DOCK10: variants seen among roughly 807,000 people sequenced by gnomAD.
DOCK10 encodes the protein dedicator of cytokinesis 10, also known as dedicator of cytokinesis protein 10.
Under a neutral mutation model 280.1 loss-of-function variants are expected in DOCK10, and 145 were observed. The ratio of observed to expected loss-of-function variants is 0.52; its 90% CI spans 0.45 to 0.59. The LOEUF is 0.59. DOCK10 is among the 20% of genes least tolerant of loss of function. DOCK10 has a pLI of 0.00. For synonymous variants in DOCK10, 915 were observed against 942.2 expected (o/e 0.97, Z 0.53); for missense variants, 2,368 against 2,651.7 (o/e 0.89, Z 2.35).
rs1696868735 is a variant in DOCK10, at chr2:224,853,129, A to G, written c.1889-7T>C. The G allele has an allele frequency of 3.9e-6, 6 of 1,553,152 alleles. No homozygotes were observed. Among genetic ancestry groups the G allele is most frequent in the Non-Finnish European group, 5.2e-6 (6 of 1,147,442 alleles). On this transcript the variant is annotated splice_polypyrimidine_tract_variant and splice_region_variant and intron_variant, in intron 16 of 55. Transcript: ENST00000258390. ...AAGGACGATGTTACACAATCTTAAA[A>G]AATCAGAAAATAAGAGTTTGTCATT...
intron 1 of DOCK10, among the ~76,000 whole-genome samples, chr2:224,953,145 G>A (rs1193295003): frequency 6.6e-6 from 1 of 152,192 alleles, no homozygotes; most frequent in East Asian, 1.9e-4. Flanking sequence ...TTGAGCAATT[G>A]GTAAGGCACC....
intron 31 of DOCK10, among the ~76,000 whole-genome samples, chr2:224,808,950 A>G (rs1453089431): frequency 6.6e-6 from 1 of 152,122 alleles, no homozygotes; most frequent in East Asian, 1.9e-4. Context: ...GAGTGACAAG[A>G]GTAACTCACT....
intron 27 of DOCK10, among the ~76,000 whole-genome samples, chr2:224,828,967 G>T (rs765526705): frequency 6.6e-6 from 1 of 152,244 alleles, no homozygotes; most frequent in Non-Finnish European, 1.5e-5. Flanking sequence ...TCACAATTCA[G>T]ATCTGGTACA....
At chr2:224,948,356 T>C (rs998325144) in intron 1 of DOCK10, among the ~76,000 whole-genome samples, 8 of 152,232 alleles carry the variant, frequency 5.3e-5, no homozygotes, top group Non-Finnish European at 7.3e-5. Flanking sequence ...TACTTTGTAA[T>C]TGGCTTAGTT....
intron 1 of DOCK10, among the ~76,000 whole-genome samples, chr2:224,946,238 T>C (rs1207867651): frequency 1.3e-5 from 2 of 152,246 alleles, no homozygotes; most frequent in Non-Finnish European, 2.9e-5. Context: ...TTTCAAGCTC[T>C]CATTTTGTTT....
Position 224,921,112 on chromosome 2 carries a change from A to AAT in DOCK10, c.244-4330_244-4329dup, listed in dbSNP as rs1201609470. On this transcript the variant is annotated intron_variant, in intron 2 of 55. Coordinates refer to ENST00000258390, the MANE Select transcript of DOCK10 (RefSeq NM_014689.3). ...TCTATTAAAAAAAAAAAAAAAAAAA[A>AAT]ATATATATATATATATATATATAAT... Among the ~76,000 whole-genome samples the AAT allele has an allele frequency of 6.3e-3, 341 of 54,368 alleles. 17 individuals are homozygous for AAT. Among genetic ancestry groups the AAT allele is most frequent in the South Asian group, 0.011 (17 of 1,548 alleles). The allele number at this position is 54,368 out of a possible 152,430, so 35.7% of individuals were successfully genotyped here. A position where few individuals can be genotyped will look rare whatever the true frequency, so the allele number is the denominator to read the frequency against.
intron 1 of DOCK10, among the ~76,000 whole-genome samples, chr2:225,010,295 T>A (rs1689397604): frequency 6.6e-6 from 1 of 152,000 alleles, no homozygotes; most frequent in South Asian, 2.1e-4. Flanking sequence ...CAAAGCAAAT[T>A]TTAACAAGAA....
intron 27 of DOCK10, among the ~76,000 whole-genome samples, chr2:224,827,154 T>C (rs1278515569): frequency 1.3e-5 from 2 of 151,450 alleles, no homozygotes; most frequent in African/African-American, 2.4e-5. Flanking sequence ...TCCAAGCTGC[T>C]TGGGAGGCTG....
chr2:225,019,445 CTT>C (rs11399371), intron 1 of DOCK10, among the ~76,000 whole-genome samples: 2 of 139,684 alleles, frequency 1.4e-5, no homozygotes, highest in African/African-American at 2.6e-5. Context: ...GTGGTTTAAT[CTT>C]TTTTTTTTTT....
intron 13 of DOCK10, among the ~76,000 whole-genome samples, chr2:224,864,169 C>A (rs1427607654): frequency 6.6e-6 from 1 of 152,164 alleles, no homozygotes; most frequent in Non-Finnish European, 1.5e-5. Context: ...TCAAGACATA[C>A]AAATTTGATA....
intron 3 of DOCK10, among the ~76,000 whole-genome samples, chr2:224,909,734 A>G (rs1359577967): frequency 1.3e-5 from 1 of 77,512 alleles, no homozygotes; most frequent in African/African-American, 3.8e-5. Flanking sequence ...AGAGTTCTCA[A>G]AAGTTTTCAC....
intron 30 of DOCK10, among the ~76,000 whole-genome samples, chr2:224,814,794 T>C (rs1694016998): frequency 6.6e-6 from 1 of 152,206 alleles, no homozygotes; most frequent in African/African-American, 2.4e-5. Context: ...AGTGCTGGGA[T>C]TACAGGCATG....
chr2:224,993,857 C>T (rs1398971540), intron 1 of DOCK10, among the ~76,000 whole-genome samples: 2 of 152,090 alleles, frequency 1.3e-5, no homozygotes, highest in African/African-American at 4.8e-5. Flanking sequence ...CCTTGAAAAA[C>T]CCTTAAACCT....
intron 1 of DOCK10, among the ~76,000 whole-genome samples, chr2:225,013,816 G>A (rs935695417): frequency 5.3e-5 from 8 of 152,102 alleles, no homozygotes; most frequent in Admixed American, 3.9e-4. Context: ...TATTGGCAGT[G>A]TCATAGAATT....
chr2:225,031,309 A>T, intron 1 of DOCK10, among the ~76,000 whole-genome samples: 1 of 152,222 alleles, frequency 6.6e-6, no homozygotes. Flanking sequence ...TCTTCCCAAG[A>T]TACATCTGTT....
At chr2:224,960,792 T>G (rs963870842) in intron 1 of DOCK10, among the ~76,000 whole-genome samples, 1 of 131,012 alleles carries the variant, frequency 7.6e-6, no homozygotes, top group Admixed American at 1.0e-4. Context: ...CAGGCTGGAG[T>G]GCAGTGGCGC....
rs1466510021 is a variant in DOCK10 at position 225,042,266 on chromosome 2, G to A, written c.109C>T (p.Arg37Trp). The change falls in exon 1 of 56, where the codon CGG (arginine) becomes TGG (tryptophan). Residue 37 changes from arginine (R) to tryptophan (W), a missense_variant. By Grantham distance (101) the Arg-to-Trp change is moderately radical. Around this residue, in one of 2 missense-constraint regions of DOCK10, gnomAD observed 1,209 missense variants for 1,250.9 expected, o/e 0.97. Transcript: ENST00000258390. The surrounding 1 kb of genome is among the most constrained non-coding windows in gnomAD (Gnocchi z 5.1). ...ASAAAVAVSSRQQQRQEKPRL... is the reference protein window; with the variant it reads ...ASAAAVAVSSWQQQRQEKPRL... ...GCCGCACTCACCCGCTGCTGCTGCC[G>A]GCTGCTGACTGCCACCGCGGCGGCG... is the stretch of plus-strand genomic sequence containing the variant. 8 of 1,320,532 alleles carry A rather than the reference G, an allele frequency of 6.1e-6. No homozygotes were observed. The highest frequency in any genetic ancestry group is 7.7e-6 in the Non-Finnish European group (8 of 1,035,908). The allele number at this position is 1,320,532 out of a possible 1,614,324, so 81.8% of individuals were successfully genotyped here. A position where few individuals can be genotyped will look rare whatever the true frequency, so the allele number is the denominator to read the frequency against.
Position 224,797,905 on chromosome 2 carries a change from A to T in DOCK10, c.4571T>A (p.Leu1524His). 1 of 1,613,924 alleles carries T rather than the reference A, an allele frequency of 6.2e-7. No individual in the cohort carries two copies. Among genetic ancestry groups the T allele is most frequent in the Non-Finnish European group, 8.5e-7 (1 of 1,179,820 alleles). Residue 1524 changes from leucine to histidine, a missense_variant, in exon 42 of 56, where the codon CTC becomes CAC. Transcript: ENST00000258390. The stretch of plus-strand genomic sequence containing the variant: ...GGCTGACTGATTGACTTGGAAAAAG[A>T]GCATGTAGGTATCAAAGACCCTTTT... The part of the protein sequence containing the change: ...LMKRVFDTYM[L>H]FFQVNQSATA...
intron 27 of DOCK10, among the ~76,000 whole-genome samples, chr2:224,830,099 C>T (rs767000778): frequency 6.6e-6 from 1 of 152,232 alleles, no homozygotes; most frequent in Non-Finnish European, 1.5e-5. Context: ...TCCCAGTCAA[C>T]GACTTAGCTT....
Sources: gnomAD v4.1 joint callset for allele counts (sites outside exome capture counted in the v4.1 genomes callset) on GRCh38, gnomAD v4.1.1 for gene constraint, gnomAD v4.1.1 regional missense constraint, Gnocchi (gnomAD v3.1) non-coding constraint, MANE v1.5 for transcripts, NCBI Gene and HGNC (gene_info 2026-07-23, HGNC 2026-07-21) for gene names.